RNGTT: variants seen among roughly 807,000 people sequenced by gnomAD.
RNGTT encodes the protein mRNA-capping enzyme.
Under a neutral mutation model 79.3 loss-of-function variants are expected in RNGTT, and 33 were observed. The observed-to-expected ratio is 0.42, with a 90% CI of 0.32 to 0.56. The LOEUF is 0.56. Among genes scored for constraint, RNGTT ranks in the 20% least tolerant of loss-of-function variants. The pLI, the probability that RNGTT is intolerant of heterozygous loss-of-function variation, is 0.17. For synonymous variants in RNGTT, 222 were observed against 235.9 expected, an observed-to-expected ratio of 0.94 and a Z score of 0.54; for missense variants, 497 against 739.1, an observed-to-expected ratio of 0.67 and a Z score of 3.80.
chr6:88,750,171 A>G (rs141092569), intron 13 of RNGTT, among the ~76,000 whole-genome samples: 222 of 152,236 alleles, frequency 1.5e-3, no homozygotes, highest in African/African-American at 5.0e-3. Flanking sequence ...GGATTTCAAC[A>G]TACCTTTCTG....
At chr6:88,696,513 A>G (rs886888836) in intron 13 of RNGTT, among the ~76,000 whole-genome samples, 9 of 152,216 alleles carry the variant, frequency 5.9e-5, no homozygotes, top group Non-Finnish European at 1.3e-4. Flanking sequence ...TGTGGGAATT[A>G]GTCTCAAATC....
chr6:88,676,038 T>A (rs1181221090), intron 14 of RNGTT, among the ~76,000 whole-genome samples: 1 of 152,192 alleles, frequency 6.6e-6, no homozygotes, highest in Non-Finnish European at 1.5e-5. Flanking sequence ...CAGGCATTTT[T>A]ATAGAAACTG....
intron 14 of RNGTT, among the ~76,000 whole-genome samples, chr6:88,628,735 C>A (rs1033392944): frequency 1.3e-5 from 2 of 152,116 alleles, no homozygotes; most frequent in Non-Finnish European, 2.9e-5. Context: ...TAAATAGTTT[C>A]TTCAAGACAG....
intron 14 of RNGTT, among the ~76,000 whole-genome samples, chr6:88,662,367 C>A (rs1055029049): frequency 6.6e-6 from 1 of 152,214 alleles, no homozygotes; most frequent in African/African-American, 2.4e-5. Flanking sequence ...TAGCCCCCAT[C>A]ACTGATGCAT....
intron 8 of RNGTT, among the ~76,000 whole-genome samples, chr6:88,857,317 G>A (rs150470810): frequency 2.6e-5 from 4 of 152,130 alleles, no homozygotes; most frequent in African/African-American, 9.6e-5. Flanking sequence ...TAAACTCCTG[G>A]TAATTTAAAG....
intron 11 of RNGTT, among the ~76,000 whole-genome samples, chr6:88,806,611 G>A (rs1312344329): frequency 2.6e-5 from 4 of 151,954 alleles, no homozygotes; most frequent in Admixed American, 6.6e-5. Context: ...CACCGCACCC[G>A]GCCTGAAAAA....
At chr6:88,640,584 A>G (rs1773276454) in intron 14 of RNGTT, among the ~76,000 whole-genome samples, 1 of 151,652 alleles carries the variant, frequency 6.6e-6, no homozygotes, top group South Asian at 2.1e-4. Context: ...AAAAAGAGCA[A>G]CAAAAATAAC....
chr6:88,919,214 C>T (rs954548469), intron 4 of RNGTT, among the ~76,000 whole-genome samples: 15 of 152,156 alleles, frequency 9.9e-5, no homozygotes, highest in Non-Finnish European at 1.8e-4. Flanking sequence ...CAGTTTTCTT[C>T]ATCATGAGAA....
intron 13 of RNGTT, among the ~76,000 whole-genome samples, chr6:88,728,913 C>A (rs1013367601): frequency 4.6e-5 from 7 of 152,190 alleles, no homozygotes; most frequent in Non-Finnish European, 8.8e-5. Context: ...TCCCTCCGCA[C>A]GTTAAACAAA....
intron 8 of RNGTT, among the ~76,000 whole-genome samples, chr6:88,872,232 T>C (rs1224749916): frequency 2.0e-5 from 3 of 152,248 alleles, no homozygotes; most frequent in Non-Finnish European, 2.9e-5. Flanking sequence ...CCTAAGTGGG[T>C]ACAGGAAAGT....
chr6:88,822,373 T>C (rs1214242445), intron 11 of RNGTT, among the ~76,000 whole-genome samples: 1 of 152,196 alleles, frequency 6.6e-6, no homozygotes, highest in Non-Finnish European at 1.5e-5. Flanking sequence ...TTTAATGACA[T>C]TGATAATTTT....
intron 14 of RNGTT, among the ~76,000 whole-genome samples, chr6:88,673,089 T>C (rs1774718734): frequency 6.6e-6 from 1 of 152,186 alleles, no homozygotes; most frequent in Non-Finnish European, 1.5e-5. Context: ...GAAATATAGT[T>C]GTAAAATATC....
In RNGTT at chr6:88,963,558, A is replaced by AG; in HGVS notation, c.-150dup. 1 of 680,392 alleles carries AG rather than the reference A, an allele frequency of 1.5e-6. No homozygotes were observed. The highest frequency in any genetic ancestry group is 3.8e-5 in the Admixed American group (1 of 26,258). 42.1% of individuals were successfully genotyped at this position (680,392 alleles called of 1,614,324 possible). On this transcript the variant is annotated 5_prime_UTR_variant, in exon 1 of 16. An upstream open reading frame in the 5' UTR loses its in-frame stop. Transcript: ENST00000369485. ...CAACCTCTCCGATCCGGGTAACGTC[A>AG]GGGGCGGCGCGCCACTTTCATTCAG...
chr6:88,785,217 C>T (rs1247816041), intron 12 of RNGTT, among the ~76,000 whole-genome samples: 2 of 151,688 alleles, frequency 1.3e-5, no homozygotes, highest in African/African-American at 4.8e-5. Flanking sequence ...AGGAATTCAC[C>T]GCTTCTTTCA....
intron 14 of RNGTT, among the ~76,000 whole-genome samples, chr6:88,671,000 C>T (rs907651399): frequency 1.3e-5 from 2 of 152,146 alleles, no homozygotes; most frequent in African/African-American, 4.8e-5. Flanking sequence ...CAACATTATA[C>T]TGAACAGGGA....
At chr6:88,843,476 C>T (rs892559395) in intron 11 of RNGTT, among the ~76,000 whole-genome samples, 1 of 151,202 alleles carries the variant, frequency 6.6e-6, no homozygotes, top group Non-Finnish European at 1.5e-5. Flanking sequence ...GAAATATCTC[C>T]AAGCCATACT....
intron 13 of RNGTT, among the ~76,000 whole-genome samples, chr6:88,748,204 A>G (rs1310340618): frequency 2.0e-5 from 3 of 152,138 alleles, no homozygotes; most frequent in Non-Finnish European, 4.4e-5. Flanking sequence ...AATGTCAGTT[A>G]TCATCCTGAA....
chr6:88,921,195 T>C (rs897354053), intron 4 of RNGTT, among the ~76,000 whole-genome samples: 1 of 152,110 alleles, frequency 6.6e-6, no homozygotes. Flanking sequence ...CTCTTGCTGA[T>C]CAATATTTGT....
intron 14 of RNGTT, among the ~76,000 whole-genome samples, chr6:88,660,136 GA>G (rs1774125551): frequency 6.6e-6 from 1 of 152,104 alleles, no homozygotes; most frequent in Middle Eastern, 3.2e-3. Context: ...AGCACTACAA[GA>G]AATGCTAAAA....
Sources: gnomAD v4.1 joint callset for allele counts (sites outside exome capture counted in the v4.1 genomes callset) on GRCh38, gnomAD v4.1.1 for gene constraint, MANE v1.5 for transcripts, NCBI Gene and HGNC (gene_info 2026-07-23, HGNC 2026-07-21) for gene names.